Variants in JADE3 observed in about 807,000 individuals in gnomAD.
JADE3 encodes jade family PHD finger 3, also known as protein Jade-3.
JADE3 carries 2 observed loss-of-function variants against 50.1 expected under a neutral mutation model. The ratio of observed to expected loss-of-function variants is 0.04; its 90% CI spans 0.02 to 0.13. The LOEUF is 0.13. Among genes scored for constraint, JADE3 ranks in the 10% least tolerant of loss-of-function variants. The pLI is 1.00. For missense variants in JADE3, 475 were observed against 634.4 expected (o/e 0.75, Z 2.70); for synonymous variants, 218 against 232.9 (o/e 0.94, Z 0.58).
At chrX:46,956,976 C>A (rs1927138615) in intron 1 of JADE3, among the ~76,000 whole-genome samples, 1 of 109,255 alleles carries the variant, frequency 9.2e-6, no homozygotes, top group African/African-American at 3.4e-5. Flanking sequence ...TGTGCACCAC[C>A]ACTTCCAGCT....
At chrX:47,028,405 T>C (rs889525259) in intron 6 of JADE3, among the ~76,000 whole-genome samples, 4 of 109,983 alleles carry the variant, frequency 3.6e-5, no homozygotes, top group Non-Finnish European at 7.6e-5. Context: ...ATCTCATTGC[T>C]GCCTGTCTGA....
At chrX:46,987,793 C>T (rs1602396844) in intron 3 of JADE3, among the ~76,000 whole-genome samples, 1 of 112,161 alleles carries the variant, frequency 8.9e-6, no homozygotes, top group African/African-American at 3.2e-5. Flanking sequence ...GTTTTGAGGC[C>T]TACTGCCTCC....
chrX:47,011,668 A>G (rs1240173300), intron 4 of JADE3, among the ~76,000 whole-genome samples: 1 of 112,048 alleles, frequency 8.9e-6, no homozygotes, highest in Non-Finnish European at 1.9e-5. Flanking sequence ...TGTGAAGGTT[A>G]CATTTTCTCC....
intron 3 of JADE3, among the ~76,000 whole-genome samples, chrX:46,987,147 T>C (rs909329867): frequency 3.6e-5 from 4 of 112,279 alleles, no homozygotes; most frequent in Non-Finnish European, 7.5e-5. Flanking sequence ...TCCTTGGAGC[T>C]GAAGGACTGA....
chrX:46,983,854 T>C (rs1927808683), intron 1 of JADE3, among the ~76,000 whole-genome samples: 1 of 111,556 alleles, frequency 9.0e-6, no homozygotes, highest in Non-Finnish European at 1.9e-5. Context: ...TCCATGGAGC[T>C]GCTCACACTG....
At chrX:47,013,899 A>G (rs5952985) in intron 4 of JADE3, among the ~76,000 whole-genome samples, 1,354 of 112,142 alleles carry the variant, frequency 0.012, 21 homozygotes, top group African/African-American at 0.041. Context: ...TGGCCCTCCA[A>G]AAAGTCAACA....
chrX:46,957,328 CTG>C (rs1207402228), intron 1 of JADE3, among the ~76,000 whole-genome samples: 2 of 111,745 alleles, frequency 1.8e-5, no homozygotes, highest in East Asian at 2.8e-4. Flanking sequence ...ATGAATGTGT[CTG>C]TTTTTTCTAC....
At position 47,018,910 on chromosome X, in the gene JADE3, G is replaced by A. The variant is rs150960071; in HGVS notation, c.285-5814G>A. On this transcript the variant is annotated intron_variant, in intron 4 of 10. Transcript: ENST00000614628. Reference sequence around the variant, plus strand: ...AATCAACTGAAGGCTTATTCACTGCGTGTCTGTGTAACAGCCCATCCCTGG... The same window carrying A: ...AATCAACTGAAGGCTTATTCACTGCATGTCTGTGTAACAGCCCATCCCTGG... Among the ~76,000 whole-genome samples, 17 of 111,812 alleles carry A rather than the reference G, an allele frequency of 1.5e-4. No individual in the cohort carries two copies. In the East Asian group the frequency reaches 1.7e-3, roughly 11 times the overall value.
At chrX:46,980,776 A>G (rs1442108118) in intron 1 of JADE3, among the ~76,000 whole-genome samples, 15 of 111,569 alleles carry the variant, frequency 1.3e-4, no homozygotes, top group Admixed American at 1.1e-3. Flanking sequence ...TACATTTTGT[A>G]TATTAGGTTG....
intron 1 of JADE3, among the ~76,000 whole-genome samples, chrX:46,957,178 A>G (rs1299750676): frequency 9.1e-6 from 1 of 109,816 alleles, no homozygotes; most frequent in Non-Finnish European, 1.9e-5. Flanking sequence ...CACCTCTTCT[A>G]ATGTCATCCT....
chrX:47,018,634 C>G (rs1159939443), intron 4 of JADE3, among the ~76,000 whole-genome samples: 1 of 112,220 alleles, frequency 8.9e-6, no homozygotes, highest in Non-Finnish European at 1.9e-5. Flanking sequence ...GCGCCCGGCC[C>G]AGAGCACTTT....
chrX:46,990,240 T>C (rs2147133315), intron 3 of JADE3, among the ~76,000 whole-genome samples: 1 of 111,895 alleles, frequency 8.9e-6, no homozygotes, highest in East Asian at 2.8e-4. Context: ...ATGAGTGATT[T>C]TCAGTTGTAT....
intron 8 of JADE3, among the ~76,000 whole-genome samples, chrX:47,049,989 G>A (rs1002913869): frequency 9.2e-6 from 1 of 108,423 alleles, no homozygotes; most frequent in African/African-American, 3.4e-5. Context: ...CAGTCTAGCT[G>A]GAGTGCAGTG....
intron 3 of JADE3, among the ~76,000 whole-genome samples, chrX:46,994,350 G>A (rs1289551444): frequency 8.9e-6 from 1 of 112,027 alleles, no homozygotes. Flanking sequence ...CTGTATGTTA[G>A]CCAGTGAATC....
At chrX:46,954,849 C>G (rs1401928228) in intron 1 of JADE3, among the ~76,000 whole-genome samples, 5 of 112,470 alleles carry the variant, frequency 4.4e-5, no homozygotes, top group African/African-American at 1.6e-4. Context: ...GCCACCGCAC[C>G]CAGCCAGAAA....
At chrX:46,913,016 C>T (rs1268826950) in intron 1 of JADE3, 1 of 112,191 alleles carries the variant, frequency 8.9e-6, no homozygotes, top group Non-Finnish European at 1.9e-5. Flanking sequence ...GCGAGCTCGG[C>T]TGCAGCTCCC....
Position 46,934,455 on chromosome X carries a change from C to T in JADE3, c.-12+21736C>T, listed in dbSNP as rs782509810. ...CTGGGACTACAGGTGCCTGCCACCA[C>T]GCCTGGCTAATTTTTTATATTTTTA... On this transcript the variant is annotated intron_variant, in intron 1 of 10. Transcript: ENST00000614628. Among the ~76,000 whole-genome samples, 561 of 111,450 alleles carry T rather than the reference C, an allele frequency of 5.0e-3. 3 individuals are homozygous for T. Among genetic ancestry groups the T allele is most frequent in the Non-Finnish European group, 8.0e-3 (425 of 52,960 alleles).
At position 47,020,577 on chromosome X, in the gene JADE3, T is replaced by C. The variant is rs782424551; in HGVS notation, c.285-4147T>C. Among the ~76,000 whole-genome samples, 119 of 112,317 alleles carry C rather than the reference T, an allele frequency of 1.1e-3. 1 individual carries two copies. The highest frequency in any genetic ancestry group is 3.8e-3 in the African/African-American group (116 of 30,914). ...TTATATTAACTTCATCTTTTACCCA[T>C]GTATTTTCTTGTAGTTGGTGTTACT... On this transcript the variant is annotated intron_variant, in intron 4 of 10. Transcript: ENST00000614628.
intron 4 of JADE3, among the ~76,000 whole-genome samples, chrX:47,016,098 G>GT (rs1213922581): frequency 9.1e-6 from 1 of 110,468 alleles, no homozygotes; most frequent in Non-Finnish European, 1.9e-5. Context: ...TACAGTTGGG[G>GT]TTTTTTTCTG....
Sources: allele counts gnomAD v4.1 joint callset (sites outside exome capture counted in the v4.1 genomes callset), GRCh38; gene constraint gnomAD v4.1.1; transcripts MANE v1.5; gene names NCBI Gene and HGNC (gene_info 2026-07-23, HGNC 2026-07-21).